Variants in IFT74 observed in about 807,000 individuals in gnomAD.
IFT74 encodes intraflagellar transport 74.
A neutral mutation model predicts 96.7 loss-of-function variants in IFT74; 92 were observed. That is an observed-to-expected ratio of 0.95 (90% CI 0.80 to 1.13). The LOEUF (loss-of-function observed/expected upper bound fraction) is 1.13. Ranked by LOEUF, IFT74 falls within the 50% of genes most tolerant of loss-of-function variation. The pLI, the probability that IFT74 is intolerant of heterozygous loss-of-function variation, is 0.00. For missense variants in IFT74, 811 were observed against 698.2 expected (o/e 1.16, Z -1.82); for synonymous variants, 223 against 213.2 (o/e 1.05, Z -0.40).
upstream of IFT74, among the ~76,000 whole-genome samples, chr9:26,954,474 T>C (rs1442871280): frequency 1.3e-5 from 2 of 152,128 alleles, no homozygotes. Flanking sequence ...ATTCATGAAT[T>C]GCTGTCTGTT....
At chr9:27,045,167 C>T (rs989169948) in intron 14 of IFT74, among the ~76,000 whole-genome samples, 4 of 152,196 alleles carry the variant, frequency 2.6e-5, no homozygotes, top group Admixed American at 6.5e-5. Flanking sequence ...GCTCTGCCTC[C>T]TGTTAGATCA....
At chr9:27,014,264 A>G (rs1441309967) in intron 10 of IFT74, among the ~76,000 whole-genome samples, 3 of 152,190 alleles carry the variant, frequency 2.0e-5, no homozygotes, top group South Asian at 4.1e-4. Flanking sequence ...TTGTCCATCT[A>G]TAAAGACACT....
chr9:26,998,930 G>C (rs1828320246), intron 8 of IFT74, among the ~76,000 whole-genome samples: 1 of 152,166 alleles, frequency 6.6e-6, no homozygotes, highest in Non-Finnish European at 1.5e-5. Flanking sequence ...GGAGGCGGAG[G>C]TTGCAGTGAG....
chr9:27,010,075 C>A (rs1828982225), intron 9 of IFT74, among the ~76,000 whole-genome samples: 1 of 151,708 alleles, frequency 6.6e-6, no homozygotes, highest in South Asian at 2.1e-4. Flanking sequence ...GCAAGCTACG[C>A]CTCCCGGGTT....
At chr9:26,996,547 TAAC>T (rs771104494) in intron 8 of IFT74, 11 of 1,203,204 alleles carry the variant, frequency 9.1e-6, no homozygotes, top group Non-Finnish European at 1.1e-5. Context: ...AAATAATAGT[TAAC>T]AACATTTTAT....
intron 15 of IFT74, among the ~76,000 whole-genome samples, chr9:27,047,678 A>G (rs1165834556): frequency 6.6e-6 from 1 of 152,190 alleles, no homozygotes; most frequent in African/African-American, 2.4e-5. Context: ...GAACTTTTGA[A>G]AGTAACATTT....
At position 27,048,211 on chromosome 9, in the gene IFT74, G is replaced by T; in HGVS notation, c.1270G>T (p.Asp424Tyr). ...TCAAGAGCTAAAGATGATGCAGGATGACCTCAATTTTAAATCTACTGAAGT... is the reference window on the plus strand; with the variant it reads ...TCAAGAGCTAAAGATGATGCAGGATTACCTCAATTTTAAATCTACTGAAGT... ...TNQELKMMQD[D>Y]LNFKSTEVQK... The change falls in exon 16 of 20, where the codon GAC (aspartate) becomes TAC (tyrosine). Residue 424 changes from aspartate (D) to tyrosine (Y), a missense_variant. Physicochemically the swap from Asp to Tyr is radical, Grantham distance 160. Coordinates refer to ENST00000380062, the MANE Select transcript of IFT74 (RefSeq NM_025103.4). 6.2e-7 allele frequency: 1 copy of T among 1,605,832 alleles called. No homozygotes were observed. The highest frequency in any genetic ancestry group is 1.1e-5 in the South Asian group (1 of 90,430).
chr9:26,998,163 G>T, intron 8 of IFT74: 1 of 1,597,960 alleles, frequency 6.3e-7, no homozygotes, highest in South Asian at 1.1e-5. Flanking sequence ...TTATAACTGA[G>T]ATCAAGTATA....
intron 4 of IFT74, among the ~76,000 whole-genome samples, chr9:26,982,131 A>G (rs1326992041): frequency 1.3e-5 from 2 of 152,168 alleles, no homozygotes; most frequent in African/African-American, 2.4e-5. Context: ...TATCATTAAA[A>G]TGTTACCAGC....
rs141905668 is a variant in IFT74 at position 26,973,655 on chromosome 9, G to A, written c.121-4473G>A. Among the ~76,000 whole-genome samples the A allele has an allele frequency of 7.8e-3, 1,189 of 152,276 alleles. 12 individuals carry two copies. The highest frequency in any genetic ancestry group is 0.027 in the African/African-American group (1,103 of 41,562). On this transcript the variant is annotated intron_variant, in intron 2 of 19. Transcript: ENST00000380062. ...CCCACCTCAGGGATCAACAAAAATT[G>A]AATGTGAGTTAATAGATCTTGATGT...
At chr9:27,053,948 T>C (rs1376291485) in intron 16 of IFT74, among the ~76,000 whole-genome samples, 1 of 152,202 alleles carries the variant, frequency 6.6e-6, no homozygotes, top group East Asian at 1.9e-4. Context: ...CAAAACTCTT[T>C]GCAACAACAT....
At chr9:27,036,758 CTG>C in intron 13 of IFT74, 1 of 1,183,142 alleles carries the variant, frequency 8.5e-7, no homozygotes, top group Non-Finnish European at 1.0e-6. Flanking sequence ...GCGTAAAGTG[CTG>C]TCTCTCAACA....
intron 6 of IFT74, among the ~76,000 whole-genome samples, chr9:26,987,913 T>C (rs1291167271): frequency 6.6e-6 from 1 of 152,132 alleles, no homozygotes; most frequent in African/African-American, 2.4e-5. Context: ...AGAATATCTT[T>C]TTATGTTTTT....
At chr9:27,027,459 G>GT (rs1224290788) in intron 12 of IFT74, among the ~76,000 whole-genome samples, 1 of 152,094 alleles carries the variant, frequency 6.6e-6, no homozygotes, top group African/African-American at 2.4e-5. Context: ...GAGGGTTCCA[G>GT]TTTTTCACAT....
chr9:27,041,052 C>G (rs527930000), intron 13 of IFT74, among the ~76,000 whole-genome samples: 4 of 152,102 alleles, frequency 2.6e-5, no homozygotes, highest in African/African-American at 9.6e-5. Context: ...GCAATGGTGT[C>G]CTTTCTACAG....
Position 27,056,220 on chromosome 9 carries a change from A to G in IFT74, c.1498-114A>G, listed in dbSNP as rs1048310719. The G allele has an allele frequency of 1.6e-5, 13 of 798,342 alleles. No individual in the cohort carries two copies. In the African/African-American group the frequency reaches 2.2e-4, roughly 13 times the overall value. 49.5% of individuals were successfully genotyped at this position (798,342 alleles called of 1,614,324 possible). On this transcript the variant is annotated intron_variant, in intron 17 of 19. Coordinates refer to ENST00000380062, the MANE Select transcript of IFT74 (RefSeq NM_025103.4). ...TTTACAAACGGGTTTTAGAGTAGTT[A>G]TAGCCTTGATATAATTTTACCAGAA...
At chr9:26,990,638 A>G (rs944520158) in intron 8 of IFT74, among the ~76,000 whole-genome samples, 1 of 152,210 alleles carries the variant, frequency 6.6e-6, no homozygotes, top group Non-Finnish European at 1.5e-5. Context: ...TATAGATTGT[A>G]TGTGTGTCTT....
At chr9:27,024,498 A>T (rs1340362253) in intron 12 of IFT74, among the ~76,000 whole-genome samples, 1 of 152,168 alleles carries the variant, frequency 6.6e-6, no homozygotes, top group Non-Finnish European at 1.5e-5. Flanking sequence ...ACCTCATGGG[A>T]CAAACGAATC....
At chr9:27,038,575 G>T (rs1404415298) in intron 13 of IFT74, among the ~76,000 whole-genome samples, 1 of 152,132 alleles carries the variant, frequency 6.6e-6, no homozygotes, top group Non-Finnish European at 1.5e-5. Flanking sequence ...ACCGCGCCCG[G>T]CCCAGGAATA....
Sources: allele counts gnomAD v4.1 joint callset (sites outside exome capture counted in the v4.1 genomes callset), GRCh38; gene constraint gnomAD v4.1.1; transcripts MANE v1.5; gene names NCBI Gene and HGNC (gene_info 2026-07-23, HGNC 2026-07-21).